RALYL: variants seen among roughly 807,000 people sequenced by gnomAD.
The protein encoded by RALYL is RALY RNA binding protein like.
RALYL carries 29 observed loss-of-function variants against 35.1 expected under a neutral mutation model. The observed-to-expected ratio is 0.83, with a 90% CI of 0.61 to 1.13. The LOEUF (loss-of-function observed/expected upper bound fraction) is 1.13. RALYL is among the 50% of genes most tolerant of loss of function. The pLI, the probability that RALYL is intolerant of heterozygous loss-of-function variation, is 0.00. For missense variants in RALYL, 359 were observed against 360.4 expected (o/e 1.00, Z 0.03); for synonymous variants, 120 against 127.6 (o/e 0.94, Z 0.40).
At chr8:84,270,683 T>A (rs1437067980) in intron 1 of RALYL, among the ~76,000 whole-genome samples, 2 of 152,304 alleles carry the variant, frequency 1.3e-5, no homozygotes, top group East Asian at 3.9e-4. Context: ...TACTGCATGT[T>A]TTATTCCACA....
intron 1 of RALYL, among the ~76,000 whole-genome samples, chr8:84,295,299 T>C (rs1487743859): frequency 6.6e-6 from 1 of 152,134 alleles, no homozygotes; most frequent in Non-Finnish European, 1.5e-5. Context: ...TCAATGCCTG[T>C]TGATGTTTGT....
At chr8:84,522,952 A>G (rs534301724) in intron 1 of RALYL, among the ~76,000 whole-genome samples, 88 of 152,104 alleles carry the variant, frequency 5.8e-4, no homozygotes, top group Admixed American at 1.0e-3. Flanking sequence ...ACAGTTCCAC[A>G]TAAACAGGGG....
chr8:84,577,124 C>T (rs1809642522), intron 2 of RALYL, among the ~76,000 whole-genome samples: 1 of 152,212 alleles, frequency 6.6e-6, no homozygotes. Flanking sequence ...GAATTTATGA[C>T]AGAAACGCCA....
At chr8:84,725,461 G>A (rs972447008) in intron 2 of RALYL, among the ~76,000 whole-genome samples, 4 of 151,730 alleles carry the variant, frequency 2.6e-5, no homozygotes, top group Non-Finnish European at 5.9e-5. Context: ...ATGGACTACT[G>A]AAACAGATTA....
chr8:84,796,805 A>G (rs1193936222), intron 3 of RALYL, among the ~76,000 whole-genome samples: 2 of 152,262 alleles, frequency 1.3e-5, no homozygotes, highest in Non-Finnish European at 2.9e-5. Flanking sequence ...AACAACAAGC[A>G]ATCAGTTAGC....
At chr8:84,890,236 T>C (rs1295670358) in intron 8 of RALYL, among the ~76,000 whole-genome samples, 1 of 152,116 alleles carries the variant, frequency 6.6e-6, no homozygotes, top group Non-Finnish European at 1.5e-5. Flanking sequence ...ACCACAAGTA[T>C]ACATACCTGA....
intron 3 of RALYL, among the ~76,000 whole-genome samples, chr8:84,787,502 A>G (rs1819823088): frequency 6.6e-6 from 1 of 152,156 alleles, no homozygotes; most frequent in Admixed American, 6.5e-5. Context: ...GTGTCTTTAT[A>G]GTAGAATGAT....
intron 2 of RALYL, among the ~76,000 whole-genome samples, chr8:84,604,553 T>C (rs962638702): frequency 1.3e-5 from 2 of 152,162 alleles, no homozygotes; most frequent in Admixed American, 6.5e-5. Context: ...TCCTACATAC[T>C]TCTAATTTGA....
chr8:84,686,019 A>C (rs1464326974), intron 2 of RALYL, among the ~76,000 whole-genome samples: 1 of 152,162 alleles, frequency 6.6e-6, no homozygotes, highest in East Asian at 1.9e-4. Context: ...GGATTAGGGT[A>C]CATTTTGTGT....
At chr8:84,221,398 G>T (rs547562913) in intron 1 of RALYL, among the ~76,000 whole-genome samples, 1 of 152,080 alleles carries the variant, frequency 6.6e-6, no homozygotes, top group African/African-American at 2.4e-5. Context: ...CAGAACTGGA[G>T]GTGACAGGAT....
chr8:84,475,617 T>G (rs1272660241), intron 1 of RALYL, among the ~76,000 whole-genome samples: 3 of 152,224 alleles, frequency 2.0e-5, no homozygotes, highest in Non-Finnish European at 4.4e-5. Context: ...TTTTCTTTTA[T>G]GAGAATTGTG....
At chr8:84,519,268 C>T (rs140777836) in intron 1 of RALYL, among the ~76,000 whole-genome samples, 30 of 152,162 alleles carry the variant, frequency 2.0e-4, no homozygotes, top group African/African-American at 2.4e-4. Context: ...TGTAGATTTG[C>T]GGATCTTATA....
chr8:84,229,175 A>T (rs765046858), intron 1 of RALYL, among the ~76,000 whole-genome samples: 1 of 152,216 alleles, frequency 6.6e-6, no homozygotes, highest in East Asian at 1.9e-4. Context: ...GCCGAAATTT[A>T]TAAGGCAAGT....
At chr8:84,298,068 G>C (rs563867780) in intron 1 of RALYL, among the ~76,000 whole-genome samples, 2 of 151,920 alleles carry the variant, frequency 1.3e-5, no homozygotes, top group Admixed American at 6.6e-5. Flanking sequence ...TTTTATTTTT[G>C]TTGCAATTGC....
chr8:84,664,232 A>C lies in RALYL; in HGVS notation c.257-110347A>C, dbSNP rs1461422429. ...TACTCTAGCCCCATAGCATAGTTTG[A>C]AGTCAGGTAGCGTGAGTGTGATGCC... is the stretch of plus-strand genomic sequence containing the variant. On this transcript the variant is annotated intron_variant, in intron 2 of 8. Coordinates refer to ENST00000521268, the MANE Select transcript of RALYL (RefSeq NM_173848.7). Among the ~76,000 whole-genome samples, 3 of 141,314 alleles carry C rather than the reference A, an allele frequency of 2.1e-5. No individual in the cohort carries two copies. The Admixed American group carries it at 2.2e-4, about 10-fold the overall frequency. 92.7% of individuals were successfully genotyped at this position (141,314 alleles called of 152,430 possible). A position where few individuals can be genotyped will look rare whatever the true frequency, so the allele number is the denominator to read the frequency against.
At chr8:84,735,811 C>CGAGA (rs59842702) in intron 2 of RALYL, among the ~76,000 whole-genome samples, 15,448 of 111,054 alleles carry the variant, frequency 0.14, 980 homozygotes, top group Non-Finnish European at 0.2. Flanking sequence ...ATCCAAACCG[C>CGAGA]GAGAGAGAGA....
chr8:84,485,859 T>C (rs2133956504), intron 1 of RALYL, among the ~76,000 whole-genome samples: 1 of 152,252 alleles, frequency 6.6e-6, no homozygotes, highest in African/African-American at 2.4e-5. Context: ...TGTCTACATT[T>C]TTACAATAGC....
intron 1 of RALYL, among the ~76,000 whole-genome samples, chr8:84,396,424 A>G (rs767821778): frequency 1.9e-4 from 29 of 152,254 alleles, no homozygotes; most frequent in Middle Eastern, 6.8e-3. Context: ...CTCTGGTAAG[A>G]TAAAAGTAGA....
chr8:84,911,416 CTTTAT>C (rs1265488125), intron 8 of RALYL, among the ~76,000 whole-genome samples: 1 of 152,068 alleles, frequency 6.6e-6, no homozygotes, highest in Non-Finnish European at 1.5e-5. Flanking sequence ...ATTATTAATA[CTTTAT>C]AAGTATGCAG....
Sources: gnomAD v4.1 joint callset for allele counts (sites outside exome capture counted in the v4.1 genomes callset) on GRCh38, gnomAD v4.1.1 for gene constraint, MANE v1.5 for transcripts, NCBI Gene and HGNC (gene_info 2026-07-23, HGNC 2026-07-21) for gene names.